LRP5: variants seen among roughly 807,000 people sequenced by gnomAD.
LRP5 encodes LDL receptor related protein 5.
In LRP5, 62 loss-of-function variants were observed where a neutral mutation model predicts 154.1. The observed-to-expected ratio is 0.40, with a 90% confidence interval of 0.33 to 0.50. LRP5 has a LOEUF of 0.50. Ranked by LOEUF, LRP5 falls within the 20% of genes least tolerant of loss-of-function variation. The pLI is 0.55. For synonymous variants in LRP5, 966 were observed against 1,011.5 expected, an observed-to-expected ratio of 0.96 and a Z score of 0.85; for missense variants, 1,915 against 2,336.7, an observed-to-expected ratio of 0.82 and a Z score of 3.72.
intron 5 of LRP5, among the ~76,000 whole-genome samples, chr11:68,373,419 C>T (rs2098635495): frequency 6.6e-6 from 1 of 152,154 alleles, no homozygotes; most frequent in African/African-American, 2.4e-5. Flanking sequence ...TGTGTGCCTT[C>T]AAGGTGGCAC....
At chr11:68,373,668 C>T (rs150504165) in intron 5 of LRP5, among the ~76,000 whole-genome samples, 1 of 152,376 alleles carries the variant, frequency 6.6e-6, no homozygotes, top group Middle Eastern at 3.4e-3. Flanking sequence ...CTCCCCACCC[C>T]CTCCACACAG....
intron 5 of LRP5, among the ~76,000 whole-genome samples, chr11:68,373,844 C>T (rs1253185618): frequency 5.3e-5 from 8 of 152,238 alleles, no homozygotes; most frequent in Non-Finnish European, 1.2e-4. Context: ...CTCTGTGGAA[C>T]GTGCCCCTGT....
chr11:68,384,443 AGGGGTC>A (rs2098641909), intron 5 of LRP5, among the ~76,000 whole-genome samples: 1 of 152,144 alleles, frequency 6.6e-6, no homozygotes. Flanking sequence ...GGATGCTGGG[AGGGGTC>A]TCTGACCCTG....
In LRP5 at chr11:68,358,402, C is replaced by T. The variant is rs533236741; in HGVS notation, c.686+555C>T. ...TGCTGGGATTACAGGCGTGAGCCAC[C>T]GCACCCGGCCCATGCACCAAATGAG... On this transcript the variant is annotated intron_variant, in intron 3 of 22. Coordinates refer to ENST00000294304, the MANE Select transcript of LRP5 (RefSeq NM_002335.4). 1.1e-4 allele frequency among the ~76,000 whole-genome samples: 16 copies of T among 152,322 alleles called. No homozygotes were observed. The East Asian group carries it at 1.7e-3, about 17-fold the overall frequency.
At chr11:68,430,962 T>C (rs2098671540) in intron 17 of LRP5, among the ~76,000 whole-genome samples, 1 of 152,148 alleles carries the variant, frequency 6.6e-6, no homozygotes, top group South Asian at 2.1e-4. Context: ...GTCATGGGCA[T>C]CAAGTAACAG....
Position 68,409,929 on chromosome 11 carries a change from T to C in LRP5, c.2107T>C (p.Phe703Leu). The change falls in exon 10 of 23, where the codon TTC becomes CTC. Residue 703 changes from phenylalanine to leucine, a missense_variant. This residue lies in a region of LRP5 where 773 missense variants were observed against 1,100.9 expected (regional missense o/e 0.70). Transcript: ENST00000294304. The stretch of plus-strand genomic sequence containing the variant: ...CTGCTGCCAGACCATCAGCCGCGCC[T>C]TCATGAACGGGAGCTCGGTGGAGCA... ...DVSLKTISRA[F>L]MNGSSVEHVV... 1 of 1,613,630 alleles carries C rather than the reference T, an allele frequency of 6.2e-7. No homozygotes were observed. The highest frequency in any genetic ancestry group is 1.1e-5 in the South Asian group (1 of 91,040).
At chr11:68,440,360 A>G (rs1012300913) in intron 21 of LRP5, among the ~76,000 whole-genome samples, 6 of 152,152 alleles carry the variant, frequency 3.9e-5, no homozygotes, top group Admixed American at 6.5e-5. Context: ...ACAGACAAAC[A>G]CAGGGTGATT....
intron 1 of LRP5, among the ~76,000 whole-genome samples, chr11:68,315,321 T>C (rs201466527): frequency 7.2e-4 from 109 of 152,316 alleles, no homozygotes; most frequent in Non-Finnish European, 1.4e-3. Flanking sequence ...CTAGAGGCTG[T>C]TATTACAATA....
chr11:68,361,686 G>A (rs1161662011), intron 3 of LRP5, among the ~76,000 whole-genome samples: 4 of 151,878 alleles, frequency 2.6e-5, no homozygotes, highest in Non-Finnish European at 5.9e-5. Flanking sequence ...GCTGGCCATG[G>A]TGGTACATAC....
intron 13 of LRP5, among the ~76,000 whole-genome samples, chr11:68,417,763 C>T (rs893517825): frequency 2.0e-5 from 3 of 151,660 alleles, no homozygotes; most frequent in African/African-American, 7.3e-5. Flanking sequence ...GGTGAAACCC[C>T]GTCTCTACTG....
At chr11:68,417,533 T>C (rs897691354) in intron 13 of LRP5, among the ~76,000 whole-genome samples, 7 of 133,600 alleles carry the variant, frequency 5.2e-5, no homozygotes, top group Middle Eastern at 3.8e-3. Context: ...TGATCTTGGC[T>C]CACTGCAACC....
rs550234426 is a variant in LRP5, at chr11:68,447,143, A to C, written c.4586+610A>C. 33 of 168,298 alleles carry C rather than the reference A, an allele frequency of 2.0e-4. No individual in the cohort carries two copies. The highest frequency in any genetic ancestry group is 1.2e-3 in the Admixed American group (22 of 17,682). The allele number at this position is 168,298 out of a possible 1,614,324, so 10.4% of individuals were successfully genotyped here. ...TGGGGAGGGGCAACTGAGAGTGTGGAGAGGTGGGACCCAGGTGTGCTGGTC... is the reference window on the plus strand; with the variant it reads ...TGGGGAGGGGCAACTGAGAGTGTGGCGAGGTGGGACCCAGGTGTGCTGGTC... On this transcript the variant is annotated intron_variant, in intron 22 of 22. Coordinates refer to ENST00000294304, the MANE Select transcript of LRP5 (RefSeq NM_002335.4). This position sits in a 1 kb window ranked among gnomAD's most constrained non-coding sequence, Gnocchi z 4.3.
chr11:68,406,404 C>A (rs1054623645), intron 8 of LRP5, 120 bp from the exon 9 acceptor site: 2 of 1,111,438 alleles, frequency 1.8e-6, no homozygotes, highest in Non-Finnish European at 2.7e-6. Context: ...GGGGGTGAGT[C>A]CTGAGCTCGG....
At chr11:68,404,639 A>G (rs574322738) in intron 8 of LRP5, among the ~76,000 whole-genome samples, 11 of 152,238 alleles carry the variant, frequency 7.2e-5, no homozygotes, top group Non-Finnish European at 1.2e-4. Flanking sequence ...GATGCAATCC[A>G]TGAATTTAGT....
In LRP5 at chr11:68,346,241, G is replaced by A. The variant is rs76564341; in HGVS notation, c.92-1606G>A. On this transcript the variant is annotated intron_variant, in intron 1 of 22. Transcript: ENST00000294304. Reference sequence around the variant, plus strand: ...TTGTTTGACTTTCACAGTGTCCCTCGTTGCCACAAAGAACTGTAGACCTAA... The same window carrying A: ...TTGTTTGACTTTCACAGTGTCCCTCATTGCCACAAAGAACTGTAGACCTAA... Among the ~76,000 whole-genome samples the A allele has an allele frequency of 9.5e-3, 1,443 of 152,260 alleles. 17 individuals are homozygous for A. Among genetic ancestry groups the A allele is most frequent in the Non-Finnish European group, 9.7e-3 (658 of 68,020 alleles).
chr11:68,360,574 A>G (rs1305745108), intron 3 of LRP5, among the ~76,000 whole-genome samples: 1 of 151,786 alleles, frequency 6.6e-6, no homozygotes, highest in African/African-American at 2.4e-5. Flanking sequence ...AGACCTGTGC[A>G]GGCCCCTTTA....
At chr11:68,362,434 G>A (rs1321771185) in intron 3 of LRP5, among the ~76,000 whole-genome samples, 2 of 152,186 alleles carry the variant, frequency 1.3e-5, no homozygotes, top group Non-Finnish European at 2.9e-5. Context: ...TGTAATCCCA[G>A]CACTTTGAGA....
rs117285208 is a variant in LRP5 at position 68,370,362 on chromosome 11, G to A, written c.1015+4660G>A. The stretch of plus-strand genomic sequence containing the variant: ...TCATTTTCCTGCAAGCGGGGGAGAG[G>A]GGGGGACAGGCCCTGTGGTGATTAG... On this transcript the variant is annotated intron_variant, in intron 5 of 22. Transcript: ENST00000294304. Among the ~76,000 whole-genome samples the A allele has an allele frequency of 3.2e-3, 486 of 152,184 alleles. 18 individuals carry two copies. The East Asian group carries it at 0.083, about 26-fold the overall frequency.
At chr11:68,420,267 C>T (rs1395626276) in intron 13 of LRP5, among the ~76,000 whole-genome samples, 6 of 152,210 alleles carry the variant, frequency 3.9e-5, no homozygotes, top group Non-Finnish European at 8.8e-5. Context: ...TCTCTCTCTG[C>T]CTTCTCTAGG....
Sources: allele counts gnomAD v4.1 joint callset (sites outside exome capture counted in the v4.1 genomes callset), GRCh38; gene constraint gnomAD v4.1.1; regional missense constraint gnomAD v4.1.1; non-coding constraint Gnocchi (gnomAD v3.1); transcripts MANE v1.5; gene names NCBI Gene and HGNC (gene_info 2026-07-23, HGNC 2026-07-21).